The following ARHGEF7 variants were observed in gnomAD, a reference collection of about 807,000 sequenced individuals.
ARHGEF7 encodes the protein PAK-interacting exchange factor beta.
A neutral mutation model predicts 109.8 loss-of-function variants in ARHGEF7; 33 were observed. That is an observed-to-expected ratio of 0.30 (90% CI 0.23 to 0.40). The LOEUF (loss-of-function observed/expected upper bound fraction) is 0.40. Among genes scored for constraint, ARHGEF7 ranks in the 10% least tolerant of loss-of-function variants. The pLI is 1.00. For missense variants in ARHGEF7, 938 were observed against 1,098.5 expected (o/e 0.85, Z 2.07); for synonymous variants, 458 against 424.6 (o/e 1.08, Z -0.97).
chr13:111,135,071 T>C (rs1364927253), intron 1 of ARHGEF7, among the ~76,000 whole-genome samples: 2 of 152,186 alleles, frequency 1.3e-5, no homozygotes, highest in Admixed American at 6.5e-5. Context: ...TTTCCCCATT[T>C]CTTGTTTTTG....
chr13:111,218,683 T>C (rs549359111), intron 5 of ARHGEF7, among the ~76,000 whole-genome samples: 1 of 152,326 alleles, frequency 6.6e-6, no homozygotes, highest in African/African-American at 2.4e-5. Flanking sequence ...CTTGGGTGAC[T>C]GAGCCTCAGA....
rs1480634043 is a variant in ARHGEF7 at position 111,276,835 on chromosome 13, T to G, written c.1420-752T>G. 2.0e-5 allele frequency among the ~76,000 whole-genome samples: 3 copies of G among 152,340 alleles called. No homozygotes were observed. The East Asian group carries it at 5.8e-4, about 29-fold the overall frequency. On this transcript the variant is annotated intron_variant, in intron 12 of 21. Coordinates refer to ENST00000646102, the MANE Select transcript of ARHGEF7 (RefSeq NM_001354046.2). Reference sequence around the variant, plus strand: ...AACTAATTCCTAGGACTGATTTCACTTTTTTGGGCCGTAGTTTAAATGTCA... The same window carrying G: ...AACTAATTCCTAGGACTGATTTCACGTTTTTGGGCCGTAGTTTAAATGTCA...
Position 111,145,935 on chromosome 13 carries a change from G to C in ARHGEF7, c.166-7970G>C, listed in dbSNP as rs748088685. Reference sequence around the variant, plus strand: ...AGGTTCTTTGTTTCACTTACTCCGTGATGAGTGGATTTGGTGACCTAAGTG... The same window carrying C: ...AGGTTCTTTGTTTCACTTACTCCGTCATGAGTGGATTTGGTGACCTAAGTG... On this transcript the variant is annotated intron_variant, in intron 1 of 21. Coordinates refer to ENST00000646102, the MANE Select transcript of ARHGEF7 (RefSeq NM_001354046.2). The surrounding 1 kb of genome is among the most constrained non-coding windows in gnomAD (Gnocchi z 4.3). Among the ~76,000 whole-genome samples the C allele has an allele frequency of 2.4e-4, 36 of 152,194 alleles. 1 individual carries two copies. The highest frequency in any genetic ancestry group is 2.3e-3 in the Admixed American group (35 of 15,284).
chr13:111,121,045 G>T (rs1050829317), intron 1 of ARHGEF7, among the ~76,000 whole-genome samples: 6 of 152,222 alleles, frequency 3.9e-5, no homozygotes, highest in Non-Finnish European at 8.8e-5. Context: ...GAGCACCCAG[G>T]GGGGACAAAA....
At chr13:111,287,812 A>T (rs907645817) in intron 17 of ARHGEF7, among the ~76,000 whole-genome samples, 1 of 152,246 alleles carries the variant, frequency 6.6e-6, no homozygotes, top group African/African-American at 2.4e-5. Context: ...AGGCAGCCAG[A>T]GTCCGGTTCC....
intron 1 of ARHGEF7, among the ~76,000 whole-genome samples, chr13:111,127,137 T>C (rs1375796826): frequency 1.3e-5 from 2 of 152,198 alleles, no homozygotes; most frequent in Non-Finnish European, 2.9e-5. Context: ...AAAACATTGT[T>C]ATGCCAACAA....
intron 2 of ARHGEF7, among the ~76,000 whole-genome samples, chr13:111,195,942 G>T (rs999280423): frequency 4.6e-5 from 7 of 152,108 alleles, no homozygotes; most frequent in Admixed American, 2.6e-4. Flanking sequence ...GAACACTGAG[G>T]TTGCCAGGTT....
intron 3 of ARHGEF7, among the ~76,000 whole-genome samples, chr13:111,208,622 G>A (rs370448510): frequency 1.3e-5 from 2 of 152,110 alleles, no homozygotes; most frequent in South Asian, 2.1e-4. Flanking sequence ...GACCATGGCC[G>A]GGAGCCCTGT....
chr13:111,288,013 C>G (rs1236800003), intron 17 of ARHGEF7, among the ~76,000 whole-genome samples: 1 of 152,202 alleles, frequency 6.6e-6, no homozygotes, highest in Non-Finnish European at 1.5e-5. Context: ...TTTCTTAGAA[C>G]TCTTCTTGTT....
chr13:111,213,040 G>A lies in ARHGEF7; in HGVS notation c.468+3038G>A, dbSNP rs1212524511. ...TGGCAAGCATTTCTCCTTCTGTAAA[G>A]GAAATTATAGGTGCTCTTAGAGAGC... is the stretch of plus-strand genomic sequence containing the variant. On this transcript the variant is annotated intron_variant, in intron 4 of 21. Coordinates refer to ENST00000646102, the MANE Select transcript of ARHGEF7 (RefSeq NM_001354046.2). 3.9e-5 allele frequency among the ~76,000 whole-genome samples: 6 copies of A among 152,182 alleles called. No individual in the cohort carries two copies. The East Asian group carries it at 1.2e-3, about 29-fold the overall frequency.
At chr13:111,223,030 G>A (rs1307729122) in intron 5 of ARHGEF7, among the ~76,000 whole-genome samples, 4 of 152,142 alleles carry the variant, frequency 2.6e-5, no homozygotes, top group Non-Finnish European at 5.9e-5. Flanking sequence ...ATCCATTATT[G>A]TACCTAATTT....
At chr13:111,296,828 G>C (rs979123397) in intron 19 of ARHGEF7, among the ~76,000 whole-genome samples, 4 of 152,182 alleles carry the variant, frequency 2.6e-5, no homozygotes, top group Admixed American at 1.3e-4. Flanking sequence ...TAGCCCACAA[G>C]ATTTCCCGAA....
In ARHGEF7 at chr13:111,272,693, G is replaced by A. The variant is rs1005759355; in HGVS notation, c.1074-1121G>A. On this transcript the variant is annotated intron_variant, in intron 9 of 21. Coordinates refer to ENST00000646102, the MANE Select transcript of ARHGEF7 (RefSeq NM_001354046.2). This position sits in a 1 kb window ranked among gnomAD's most constrained non-coding sequence, Gnocchi z 5.2. ...ATGTGGTGACTGAGAAGTCATCCTG[G>A]TCTGGACCTGGCATCGGCTGCCAGC... is the stretch of plus-strand genomic sequence containing the variant. Among the ~76,000 whole-genome samples, 1 of 152,098 alleles carries A rather than the reference G, an allele frequency of 6.6e-6. No individual in the cohort carries two copies. The highest frequency in any genetic ancestry group is 2.4e-5 in the African/African-American group (1 of 41,404).
Position 111,131,140 on chromosome 13 carries a change from T to A in ARHGEF7, c.165+15449T>A, listed in dbSNP as rs2074724439. On this transcript the variant is annotated intron_variant, in intron 1 of 21. Coordinates refer to ENST00000646102, the MANE Select transcript of ARHGEF7 (RefSeq NM_001354046.2). The surrounding 1 kb of genome is among the most constrained non-coding windows in gnomAD (Gnocchi z 4.4). ...GAGAACAGATGAAATGAGCCCAGGA[T>A]GGAGGATGTGAAGATGGTTATGAAA... 6.6e-6 allele frequency among the ~76,000 whole-genome samples: 1 copy of A among 152,026 alleles called. No individual in the cohort carries two copies. Among genetic ancestry groups the A allele is most frequent in the African/African-American group, 2.4e-5 (1 of 41,380 alleles).
At chr13:111,209,269 CTT>C (rs2082228498) in intron 3 of ARHGEF7, 1 of 152,142 alleles carries the variant, frequency 6.6e-6, no homozygotes, top group Non-Finnish European at 1.5e-5. Flanking sequence ...TGTGGAGTGT[CTT>C]ATGAAGGGAG....
chr13:111,147,689 CCTTTTT>C (rs2075669693), intron 1 of ARHGEF7, among the ~76,000 whole-genome samples: 1 of 139,666 alleles, frequency 7.2e-6, no homozygotes, highest in Non-Finnish European at 1.5e-5. Flanking sequence ...TCAGAGGTCA[CCTTTTT>C]TTTTTTTTTT....
chr13:111,184,805 T>A (rs2079085699), intron 2 of ARHGEF7: 2 of 152,552 alleles, frequency 1.3e-5, no homozygotes, highest in Non-Finnish European at 2.9e-5. Flanking sequence ...GTGTGTGGGT[T>A]ACCGGCCCCG....
intron 8 of ARHGEF7, among the ~76,000 whole-genome samples, chr13:111,247,328 G>A (rs2089042097): frequency 6.6e-6 from 1 of 151,612 alleles, no homozygotes; most frequent in Admixed American, 6.6e-5. Flanking sequence ...GAGTGCACTG[G>A]TGCGATCTCA....
chr13:111,244,405 T>C, intron 8 of ARHGEF7, 111 bp downstream of exon 8: 1 of 683,954 alleles, frequency 1.5e-6, no homozygotes, highest in East Asian at 2.9e-5. Context: ...AAACTTAAGT[T>C]ATTTTAAATC....
Sources: gnomAD v4.1 joint callset for allele counts (sites outside exome capture counted in the v4.1 genomes callset) on GRCh38, gnomAD v4.1.1 for gene constraint, Gnocchi (gnomAD v3.1) non-coding constraint, MANE v1.5 for transcripts, NCBI Gene and HGNC (gene_info 2026-07-23, HGNC 2026-07-21) for gene names.